ZNF627: variants seen among roughly 807,000 people sequenced by gnomAD.
ZNF627 encodes zinc finger protein 627.
Under a neutral mutation model 10.6 loss-of-function variants are expected in ZNF627, and 12 were observed. The observed-to-expected ratio is 1.13, with a 90% CI of 0.73 to 1.84. The LOEUF is 1.84. Ranked by LOEUF, ZNF627 falls within the 40% of genes most tolerant of loss-of-function variation. The pLI, the probability that ZNF627 is intolerant of heterozygous loss-of-function variation, is 0.00. For synonymous variants in ZNF627, 176 were observed against 187.1 expected, an observed-to-expected ratio of 0.94 and a Z score of 0.48; for missense variants, 504 against 568.4, an observed-to-expected ratio of 0.89 and a Z score of 1.15.
In ZNF627 at chr19:11,618,054, C is replaced by G. The variant is rs908778811; in HGVS notation, c.*165C>G. On this transcript the variant is annotated 3_prime_UTR_variant, in exon 4 of 4. Transcript: ENST00000361113. Reference sequence around the variant, plus strand: ...GAGACTTGTGATAGGACAGTAAAACCTAGAGTTGGAGTTGGATCTCTGGAT... The same window carrying G: ...GAGACTTGTGATAGGACAGTAAAACGTAGAGTTGGAGTTGGATCTCTGGAT... The G allele has an allele frequency of 7.1e-6, 4 of 559,918 alleles. No individual in the cohort carries two copies. Among genetic ancestry groups the G allele is most frequent in the Middle Eastern group, 4.0e-4 (1 of 2,488 alleles). The allele number at this position is 559,918 out of a possible 1,614,324, so 34.7% of individuals were successfully genotyped here.
rs1445470349 is a variant in ZNF627 at position 11,597,609 on chromosome 19, G to T, written c.-19G>T. On this transcript the variant is annotated 5_prime_UTR_variant, in exon 1 of 4. Coordinates refer to ENST00000361113, the MANE Select transcript of ZNF627 (RefSeq NM_145295.4). The stretch of plus-strand genomic sequence containing the variant: ...GCGGGAGTCGTAGGGAGGACGCCGG[G>T]ACACCTGGAAGCCGAGAAATGGTGC... 2.3e-6 allele frequency: 3 copies of T among 1,329,784 alleles called. No individual in the cohort carries two copies. Among genetic ancestry groups the T allele is most frequent in the African/African-American group, 1.5e-5 (1 of 66,540 alleles). The allele number at this position is 1,329,784 out of a possible 1,614,324, so 82.4% of individuals were successfully genotyped here. A position where few individuals can be genotyped will look rare whatever the true frequency, so the allele number is the denominator to read the frequency against.
intron 1 of ZNF627, among the ~76,000 whole-genome samples, chr19:11,603,582 C>T (rs1431024117): frequency 6.6e-5 from 10 of 151,644 alleles, no homozygotes; most frequent in East Asian, 1.9e-4. Context: ...CCACTACGCC[C>T]GGCCTTATTT....
At chr19:11,597,691 A>G in intron 1 of ZNF627, 61 bp downstream of exon 1, 1 of 1,327,086 alleles carries the variant, frequency 7.5e-7, no homozygotes, top group Non-Finnish European at 9.7e-7. Context: ...AACCGGCCGG[A>G]ACCGGCTGTG....
intron 3 of ZNF627, among the ~76,000 whole-genome samples, chr19:11,615,571 C>A (rs1233782561): frequency 1.3e-5 from 2 of 149,214 alleles, no homozygotes; most frequent in African/African-American, 4.9e-5. Flanking sequence ...CCACTGCACT[C>A]CAGCCTGGGT....
intron 1 of ZNF627, among the ~76,000 whole-genome samples, chr19:11,607,865 T>A (rs1973701478): frequency 6.6e-6 from 1 of 152,178 alleles, no homozygotes; most frequent in Non-Finnish European, 1.5e-5. Context: ...TTCCAACCCT[T>A]GCCTGTTCCC....
At chr19:11,616,037 C>T (rs1973861519) in intron 3 of ZNF627, among the ~76,000 whole-genome samples, 1 of 143,754 alleles carries the variant, frequency 7.0e-6, no homozygotes, top group Admixed American at 7.1e-5. Context: ...CATTTTCTTT[C>T]TTTCTTTTTT....
chr19:11,617,520 G>A lies in ZNF627; in HGVS notation c.1017G>A (p.Val339=), dbSNP rs1287912327. The A allele has an allele frequency of 1.9e-6, 3 of 1,613,520 alleles. No homozygotes were observed. The highest frequency in any genetic ancestry group is 2.2e-5 in the East Asian group (1 of 44,854). Residue 339 remains valine, a synonymous_variant, in exon 4 of 4, where the codon GTG becomes GTA. Transcript: ENST00000361113. ...HTGNGPYKCK[V]CGKAFDFPSS... is the part of the protein sequence containing the mutation. ...GCAATGGACCTTATAAATGTAAGGT[G>A]TGTGGGAAAGCCTTTGATTTCCCCA...
intron 1 of ZNF627, chr19:11,604,277 G>C (rs1450504905): frequency 6.6e-6 from 1 of 151,896 alleles, no homozygotes; most frequent in Non-Finnish European, 1.5e-5. Context: ...TGTCTGGTGG[G>C]GCATCTTATC....
intron 1 of ZNF627, among the ~76,000 whole-genome samples, chr19:11,605,999 A>G (rs1009160968): frequency 6.6e-6 from 1 of 152,176 alleles, no homozygotes; most frequent in Non-Finnish European, 1.5e-5. Flanking sequence ...TAGAGGCCCT[A>G]TGCAAGTCCC....
chr19:11,606,872 T>C (rs1973684867), intron 1 of ZNF627, among the ~76,000 whole-genome samples: 2 of 152,184 alleles, frequency 1.3e-5, no homozygotes, highest in Admixed American at 1.3e-4. Flanking sequence ...GTACCTTGCC[T>C]CCTTTTAGCA....
chr19:11,612,347 C>T (rs1423783577), intron 1 of ZNF627, among the ~76,000 whole-genome samples: 1 of 150,228 alleles, frequency 6.7e-6, no homozygotes, highest in Non-Finnish European at 1.5e-5. Flanking sequence ...GTCTCGATCT[C>T]CTGACCTCGT....
At chr19:11,615,709 C>T (rs1275070098) in intron 3 of ZNF627, among the ~76,000 whole-genome samples, 5 of 143,930 alleles carry the variant, frequency 3.5e-5, no homozygotes, top group Admixed American at 7.5e-5. Flanking sequence ...AAACTTCATA[C>T]GAATATCTTT....
rs1973886296 is a variant in ZNF627 at position 11,617,196 on chromosome 19, C to T, written c.693C>T (p.Ala231=). The T allele has an allele frequency of 6.2e-7, 1 of 1,613,664 alleles. No individual in the cohort carries two copies. Among genetic ancestry groups the T allele is most frequent in the Middle Eastern group, 1.7e-4 (1 of 6,060 alleles). ...ATGAATGCAAGCAATGTGGGAAAGCCTTCAGTTGTTCCAGTTACATTAGAA... is the reference window on the plus strand; with the variant it reads ...ATGAATGCAAGCAATGTGGGAAAGCTTTCAGTTGTTCCAGTTACATTAGAA... The part of the protein sequence containing the change: ...KPYECKQCGK[A]FSCSSYIRIH... The change falls in exon 4 of 4, where the codon GCC becomes GCT. Residue 231 remains alanine (A), a synonymous_variant. Coordinates refer to ENST00000361113, the MANE Select transcript of ZNF627 (RefSeq NM_145295.4).
intron 1 of ZNF627, among the ~76,000 whole-genome samples, chr19:11,602,541 C>T (rs1196844997): frequency 1.3e-5 from 2 of 152,146 alleles, no homozygotes; most frequent in Non-Finnish European, 2.9e-5. Flanking sequence ...TTCCATTTCG[C>T]CATTTCTGAT....
At chr19:11,616,565 G>A (rs1398794852) in intron 3 of ZNF627, 130 bp from the exon 4 acceptor site, 21 of 642,472 alleles carry the variant, frequency 3.3e-5, no homozygotes, top group African/African-American at 1.3e-4. Context: ...CAGGGTTCAC[G>A]CCTGGGCAAC....
intron 1 of ZNF627, among the ~76,000 whole-genome samples, chr19:11,609,411 A>G (rs1042612748): frequency 8.4e-6 from 1 of 119,274 alleles, no homozygotes; most frequent in Non-Finnish European, 1.9e-5. Context: ...AGAAATTTTC[A>G]TTTTAGTTGT....
In ZNF627 at chr19:11,597,591, T is replaced by G; in HGVS notation, c.-37T>G. ...CCGTGACCTGTACAGGTCGCGGGAG[T>G]CGTAGGGAGGACGCCGGGACACCTG... On this transcript the variant is annotated 5_prime_UTR_variant, in exon 1 of 4. Transcript: ENST00000361113. 7 of 1,323,678 alleles carry G rather than the reference T, an allele frequency of 5.3e-6. No individual in the cohort carries two copies. Among genetic ancestry groups the G allele is most frequent in the Non-Finnish European group, 6.8e-6 (7 of 1,029,104 alleles). The allele number at this position is 1,323,678 out of a possible 1,614,324, so 82.0% of individuals were successfully genotyped here.
chr19:11,610,805 C>T (rs556574733), intron 1 of ZNF627, among the ~76,000 whole-genome samples: 10 of 152,106 alleles, frequency 6.6e-5, no homozygotes, highest in Non-Finnish European at 1.3e-4. Context: ...CTTCTTGATT[C>T]GTGACTCGCT....
chr19:11,616,891 G>T lies in ZNF627; in HGVS notation c.388G>T (p.Glu130Ter). 1 of 1,614,088 alleles carries T rather than the reference G, an allele frequency of 6.2e-7. No individual in the cohort carries two copies. Among genetic ancestry groups the T allele is most frequent in the Non-Finnish European group, 8.5e-7 (1 of 1,180,014 alleles). Residue 130 changes from glutamate (E) to a stop codon, truncating the protein, a stop_gained, in exon 4 of 4, where the codon GAA becomes TAA. Transcript: ENST00000361113. LOFTEE classifies it low-confidence loss of function (END_TRUNC). ...IRDHTGREPN[E>*]YQEYGKKSYT... The stretch of plus-strand genomic sequence containing the variant: ...AGATCACACTGGACGTGAACCAAAT[G>T]AATATCAGGAATATGGAAAGAAGTC...
Sources: allele counts gnomAD v4.1 joint callset (sites outside exome capture counted in the v4.1 genomes callset), GRCh38; gene constraint gnomAD v4.1.1; transcripts MANE v1.5; gene names NCBI Gene and HGNC (gene_info 2026-07-23, HGNC 2026-07-21).